Variants in DYNC1I1 observed in about 807,000 individuals in gnomAD.
DYNC1I1 encodes the protein dynein cytoplasmic 1 intermediate chain 1.
In DYNC1I1, 43 loss-of-function variants were observed where a neutral mutation model predicts 86.6. The ratio of observed to expected loss-of-function variants is 0.50; its 90% CI spans 0.39 to 0.64. The LOEUF is 0.64. Ranked by LOEUF, DYNC1I1 falls within the 30% of genes least tolerant of loss-of-function variation. The pLI is 0.00. For synonymous variants in DYNC1I1, 262 were observed against 283.7 expected (o/e 0.92, Z 0.77); for missense variants, 604 against 788.8 (o/e 0.77, Z 2.81).
chr7:95,985,428 A>G (rs973167511), intron 8 of DYNC1I1, among the ~76,000 whole-genome samples: 2 of 152,168 alleles, frequency 1.3e-5, no homozygotes, highest in South Asian at 2.1e-4. Context: ...TTTTGGTATC[A>G]TGAAAGTATG....
chr7:96,065,077 G>A (rs544895696), intron 14 of DYNC1I1, among the ~76,000 whole-genome samples: 1 of 152,256 alleles, frequency 6.6e-6, no homozygotes, highest in East Asian at 1.9e-4. Flanking sequence ...TGAAGAATCA[G>A]CGTGCACCCA....
intron 6 of DYNC1I1, among the ~76,000 whole-genome samples, chr7:95,966,821 C>T (rs1019448074): frequency 2.0e-5 from 3 of 152,128 alleles, no homozygotes; most frequent in African/African-American, 4.8e-5. Flanking sequence ...ACCTGGTGAC[C>T]GGTGACTAGG....
intron 6 of DYNC1I1, among the ~76,000 whole-genome samples, chr7:95,904,956 CA>C (rs1288568394): frequency 1.3e-5 from 2 of 152,186 alleles, no homozygotes; most frequent in Non-Finnish European, 2.9e-5. Flanking sequence ...GTTGCCTATG[CA>C]AAAAGTCAAA....
chr7:95,880,008 G>T (rs1790410646), intron 6 of DYNC1I1, among the ~76,000 whole-genome samples: 1 of 152,158 alleles, frequency 6.6e-6, no homozygotes. Context: ...TCTAGAATCT[G>T]CATGGAAGAA....
intron 7 of DYNC1I1, among the ~76,000 whole-genome samples, chr7:95,982,843 A>G (rs1793489984): frequency 6.6e-6 from 1 of 152,150 alleles, no homozygotes. Context: ...GCCTAGTTCC[A>G]TTTTGTAGTT....
At chr7:96,003,602 G>A (rs555474450) in intron 10 of DYNC1I1, among the ~76,000 whole-genome samples, 1 of 152,112 alleles carries the variant, frequency 6.6e-6, no homozygotes, top group East Asian at 1.9e-4. Context: ...AAGAATACCA[G>A]GTGGTCTGAA....
At chr7:96,090,434 AT>A (rs1193380799) in intron 16 of DYNC1I1, among the ~76,000 whole-genome samples, 10 of 152,000 alleles carry the variant, frequency 6.6e-5, no homozygotes, top group African/African-American at 2.4e-4. Context: ...AGAGACCCAT[AT>A]TTGTTACTAT....
chr7:95,791,097 G>C (rs1332831864), intron 1 of DYNC1I1, among the ~76,000 whole-genome samples: 1 of 152,004 alleles, frequency 6.6e-6, no homozygotes, highest in African/African-American at 2.4e-5. Flanking sequence ...ATCTATTTTA[G>C]GAAAATCTAA....
chr7:96,027,810 G>A (rs1405744097), intron 10 of DYNC1I1, among the ~76,000 whole-genome samples: 1 of 152,170 alleles, frequency 6.6e-6, no homozygotes, highest in African/African-American at 2.4e-5. Flanking sequence ...AAAGGCTTTA[G>A]TGGAGAATTA....
At chr7:96,025,746 T>C (rs892373912) in intron 10 of DYNC1I1, among the ~76,000 whole-genome samples, 1 of 151,904 alleles carries the variant, frequency 6.6e-6, no homozygotes. Flanking sequence ...GGGGTTGGGT[T>C]CTAGTTGATT....
chr7:95,885,675 C>T lies in DYNC1I1; in HGVS notation c.490+15677C>T, dbSNP rs956312780. ...TTAATTTCTTAATTTTTTGTAGAGA[C>T]AGGGTCTCACTGTATTGCCCAGGCT... is the stretch of plus-strand genomic sequence containing the variant. On this transcript the variant is annotated intron_variant, in intron 6 of 16. Transcript: ENST00000447467. Among the ~76,000 whole-genome samples, 7 of 152,092 alleles carry T rather than the reference C, an allele frequency of 4.6e-5. No homozygotes were observed. In the East Asian group the frequency reaches 1.2e-3, roughly 25 times the overall value.
chr7:95,843,825 A>G (rs1007577815), intron 5 of DYNC1I1, among the ~76,000 whole-genome samples: 11 of 152,226 alleles, frequency 7.2e-5, no homozygotes, highest in Non-Finnish European at 1.3e-4. Context: ...TTCTTAGGCC[A>G]TTATAATAGA....
At chr7:96,099,458 C>T (rs1315209614), downstream of DYNC1I1, among the ~76,000 whole-genome samples, 1 of 152,188 alleles carries the variant, frequency 6.6e-6, no homozygotes, top group Non-Finnish European at 1.5e-5. Context: ...TTAATTCAGA[C>T]TGCTATAACA....
In DYNC1I1 at chr7:95,995,966, G is replaced by T. The variant is rs1189815760; in HGVS notation, c.862G>T (p.Ala288Ser). 2 of 1,606,410 alleles carry T rather than the reference G, an allele frequency of 1.2e-6. No individual in the cohort carries two copies. Among genetic ancestry groups the T allele is most frequent in the Non-Finnish European group, 1.7e-6 (2 of 1,177,504 alleles). The change falls in exon 10 of 17, where the codon GCT becomes TCT. Residue 288 changes from alanine (A) to serine (S), a missense_variant. Ala to Ser is a moderately conservative substitution (Grantham distance 99). Transcript: ENST00000447467. ...CATTTAGTACCCTGAGCTGATGGTG[G>T]CTTCTTACAACAACAATGAAGATGC... The part of the protein sequence containing the change: ...WSLQYPELMV[A>S]SYNNNEDAPH...
At chr7:95,961,947 T>C (rs1462250922) in intron 6 of DYNC1I1, among the ~76,000 whole-genome samples, 1 of 152,224 alleles carries the variant, frequency 6.6e-6, no homozygotes, top group Non-Finnish European at 1.5e-5. Context: ...GAATGTGTGC[T>C]GACTCTCTCC....
intron 5 of DYNC1I1, among the ~76,000 whole-genome samples, chr7:95,861,362 G>A (rs1457045497): frequency 1.3e-5 from 2 of 152,136 alleles, no homozygotes; most frequent in Non-Finnish European, 2.9e-5. Context: ...ACACGTTCTT[G>A]CATTCTCATA....
At chr7:95,944,236 AAAG>A (rs1368786490) in intron 6 of DYNC1I1, among the ~76,000 whole-genome samples, 3 of 152,252 alleles carry the variant, frequency 2.0e-5, no homozygotes, top group Non-Finnish European at 2.9e-5. Context: ...ACACTTCTCA[AAAG>A]AAGATATTTA....
chr7:96,003,283 C>T (rs916042315), intron 10 of DYNC1I1, among the ~76,000 whole-genome samples: 2 of 152,176 alleles, frequency 1.3e-5, no homozygotes, highest in African/African-American at 4.8e-5. Flanking sequence ...GCCCCATGCC[C>T]CAGCTTCATA....
chr7:96,014,609 G>A (rs1794359265), intron 10 of DYNC1I1, among the ~76,000 whole-genome samples: 1 of 152,136 alleles, frequency 6.6e-6, no homozygotes, highest in African/African-American at 2.4e-5. Flanking sequence ...AATCAAATGG[G>A]GCTCAAAGCA....
Sources: allele counts gnomAD v4.1 joint callset (sites outside exome capture counted in the v4.1 genomes callset), GRCh38; gene constraint gnomAD v4.1.1; transcripts MANE v1.5; gene names NCBI Gene and HGNC (gene_info 2026-07-23, HGNC 2026-07-21).